Variants in CHL1 observed in about 807,000 individuals in gnomAD.
CHL1 encodes cell adhesion molecule L1 like, also known as neural cell adhesion molecule L1-like protein.
In CHL1, 96 loss-of-function variants were observed where a neutral mutation model predicts 141.9. The observed-to-expected ratio is 0.68, with a 90% CI of 0.57 to 0.80. CHL1 has a LOEUF of 0.80. CHL1 is among the 30% of genes least tolerant of loss of function. The pLI, the probability that CHL1 is intolerant of heterozygous loss-of-function variation, is 0.00. For synonymous variants in CHL1, 613 were observed against 502.2 expected (o/e 1.22, Z -2.95); for missense variants, 1,820 against 1,457.2 (o/e 1.25, Z -4.05).
At chr3:349,683 A>G in intron 10 of CHL1, 140 bp downstream of exon 10, 2 of 697,842 alleles carry the variant, frequency 2.9e-6, no homozygotes, top group Non-Finnish European at 4.8e-6. Flanking sequence ...ATTGAATTAT[A>G]TTACACTTCA....
intron 15 of CHL1, chr3:376,555 T>A: frequency 2.7e-6 from 1 of 366,990 alleles, no homozygotes; most frequent in Non-Finnish European, 5.3e-6. Flanking sequence ...CCAAAAAAAT[T>A]GGTAGCTTTC....
chr3:331,544 G>A (rs139148994), intron 5 of CHL1, among the ~76,000 whole-genome samples: 1 of 151,968 alleles, frequency 6.6e-6, no homozygotes, highest in Non-Finnish European at 1.5e-5. Flanking sequence ...GCCCAGTGTG[G>A]GATGATTTCT....
chr3:205,522 A>G (rs1699352436), intron 1 of CHL1, among the ~76,000 whole-genome samples: 2 of 152,320 alleles, frequency 1.3e-5, no homozygotes, highest in South Asian at 4.1e-4. Context: ...TAGGGGAAAA[A>G]TTGAAAATGT....
intron 10 of CHL1, among the ~76,000 whole-genome samples, chr3:353,094 C>A (rs1013255965): frequency 3.3e-5 from 5 of 152,060 alleles, no homozygotes; most frequent in Non-Finnish European, 4.4e-5. Context: ...GATTGGATGA[C>A]GTGATAATTT....
chr3:260,316 T>C (rs1290116461), intron 2 of CHL1, among the ~76,000 whole-genome samples: 1 of 151,926 alleles, frequency 6.6e-6, no homozygotes, highest in Non-Finnish European at 1.5e-5. Context: ...CATCTTCCTT[T>C]ACATTCTTAA....
intron 2 of CHL1, among the ~76,000 whole-genome samples, chr3:309,696 G>A (rs1462615916): frequency 6.6e-6 from 1 of 151,942 alleles, no homozygotes; most frequent in African/African-American, 2.4e-5. Context: ...GAAAATCTTT[G>A]TAGAGATGGG....
intron 19 of CHL1, among the ~76,000 whole-genome samples, chr3:386,225 A>T (rs929681554): frequency 4.3e-5 from 6 of 138,280 alleles, no homozygotes; most frequent in African/African-American, 1.3e-4. Context: ...AAAAAAAAAA[A>T]GCTGATCTTT....
intron 1 of CHL1, among the ~76,000 whole-genome samples, chr3:202,019 G>C (rs1698992408): frequency 6.6e-6 from 1 of 152,200 alleles, no homozygotes; most frequent in African/African-American, 2.4e-5. Flanking sequence ...GAAGCGAACT[G>C]TTGTGGTGGT....
At position 399,030 on chromosome 3, in the gene CHL1, A is replaced by C. The variant is rs1275443851; in HGVS notation, c.3267A>C (p.Leu1089Phe). 1 of 1,613,456 alleles carries C rather than the reference A, an allele frequency of 6.2e-7. No homozygotes were observed. The highest frequency in any genetic ancestry group is 2.2e-5 in the East Asian group (1 of 44,854). Reference protein sequence around the residue: ...IETRGREYAGLYDDISTQGWF... With the variant: ...IETRGREYAGFYDDISTQGWF... ...TTTCTACCACAGAATATGCTGGTTTATATGATGACATCTCCACTCAAGGCT... is the reference window on the plus strand; with the variant it reads ...TTTCTACCACAGAATATGCTGGTTTCTATGATGACATCTCCACTCAAGGCT... The change falls in exon 26 of 28, where the codon TTA becomes TTC. Residue 1089 changes from leucine (L) to phenylalanine (F), a missense_variant. Leu to Phe is a conservative substitution (Grantham distance 22). Coordinates refer to ENST00000256509, the MANE Select transcript of CHL1 (RefSeq NM_006614.4).
At chr3:197,339 C>G (rs1698419503) in intron 1 of CHL1, 1 of 154,018 alleles carries the variant, frequency 6.5e-6, no homozygotes, top group Non-Finnish European at 1.4e-5. Flanking sequence ...CCCGAATCCG[C>G]CGGGTCCCAC....
chr3:323,467 G>T (rs1700759351), intron 3 of CHL1, among the ~76,000 whole-genome samples: 1 of 152,006 alleles, frequency 6.6e-6, no homozygotes, highest in Non-Finnish European at 1.5e-5. Flanking sequence ...ATCATTTGTA[G>T]ATTAAAAAAA....
At chr3:303,228 C>G (rs949309043) in intron 2 of CHL1, among the ~76,000 whole-genome samples, 2 of 152,098 alleles carry the variant, frequency 1.3e-5, no homozygotes, top group African/African-American at 4.8e-5. Context: ...TATGCAGGCT[C>G]TTTTTTGGTT....
chr3:324,300 A>G (rs1054637435), intron 3 of CHL1, among the ~76,000 whole-genome samples: 1 of 152,198 alleles, frequency 6.6e-6, no homozygotes, highest in East Asian at 1.9e-4. Flanking sequence ...CCTGTCTCCA[A>G]ATTGCTTTTC....
chr3:314,254 G>A (rs1351817981), intron 2 of CHL1, among the ~76,000 whole-genome samples: 1 of 145,226 alleles, frequency 6.9e-6, no homozygotes, highest in Middle Eastern at 3.5e-3. Flanking sequence ...ATGTTAAAAT[G>A]CACCCCCAAT....
In CHL1 at chr3:239,617, AT is replaced by A. The variant is rs921251797; in HGVS notation, c.-174-4990del. On this transcript the variant is annotated intron_variant, in intron 1 of 27. Transcript: ENST00000256509. The stretch of plus-strand genomic sequence containing the variant: ...TATAAAATATATATATTTTAAAATT[AT>A]TTTTTCATAGGCTTTTGGGAAACGG... Among the ~76,000 whole-genome samples, 2 of 150,174 alleles carry A rather than the reference AT, an allele frequency of 1.3e-5. 1 individual carries two copies. The highest frequency in any genetic ancestry group is 3.0e-5 in the Non-Finnish European group (2 of 67,620).
chr3:351,083 T>C (rs1042741944), intron 10 of CHL1, among the ~76,000 whole-genome samples: 1 of 152,192 alleles, frequency 6.6e-6, no homozygotes, highest in East Asian at 1.9e-4. Flanking sequence ...CACTTCCAGA[T>C]GGCTGGAACA....
intron 2 of CHL1, among the ~76,000 whole-genome samples, chr3:312,395 A>T (rs1338411712): frequency 6.6e-6 from 1 of 152,214 alleles, no homozygotes; most frequent in Non-Finnish European, 1.5e-5. Flanking sequence ...CTTTGTTTTC[A>T]GAGTAAAAGC....
rs144944083 is a variant in CHL1, at chr3:398,317, G to T, written c.3185G>T (p.Arg1062Leu). The change falls in exon 25 of 28, where the codon CGC becomes CTC. Residue 1062 changes from arginine to leucine, a missense_variant. Arg to Leu is a moderately radical substitution (Grantham distance 102). Transcript: ENST00000256509. The stretch of plus-strand genomic sequence containing the variant: ...GAGCCGGGAGCTGAACATATAGTTC[G>T]CCTAATGACTAAGAATTGGGGCGAT... The part of the protein sequence containing the change: ...VFEPGAEHIV[R>L]LMTKNWGDND... 15 of 1,607,878 alleles carry T rather than the reference G, an allele frequency of 9.3e-6. No homozygotes were observed. In the African/African-American group the frequency reaches 1.1e-4, roughly 11 times the overall value.
intron 1 of CHL1, among the ~76,000 whole-genome samples, chr3:212,196 G>C (rs543528364): frequency 6.6e-6 from 1 of 151,912 alleles, no homozygotes; most frequent in Non-Finnish European, 1.5e-5. Context: ...TCTACAACGA[G>C]TTTGCATTAA....
Sources: allele counts gnomAD v4.1 joint callset (sites outside exome capture counted in the v4.1 genomes callset), GRCh38; gene constraint gnomAD v4.1.1; transcripts MANE v1.5; gene names NCBI Gene and HGNC (gene_info 2026-07-23, HGNC 2026-07-21).